The following NPAS3 variants were observed in gnomAD, a reference collection of about 807,000 sequenced individuals.
NPAS3 encodes the protein neuronal PAS domain-containing protein 3.
A neutral mutation model predicts 73.1 loss-of-function variants in NPAS3; 14 were observed. That is an observed-to-expected ratio of 0.19 (90% confidence interval 0.13 to 0.30). The LOEUF (loss-of-function observed/expected upper bound fraction) is 0.30. Ranked by LOEUF, NPAS3 falls within the 10% of genes least tolerant of loss-of-function variation. The pLI, the probability that NPAS3 is intolerant of heterozygous loss-of-function variation, is 1.00. For synonymous variants in NPAS3, 620 were observed against 541.5 expected (o/e 1.14, Z -2.01); for missense variants, 1,096 against 1,250.0 (o/e 0.88, Z 1.86).
chr14:33,235,905 C>T (rs2296803), intron 3 of NPAS3, among the ~76,000 whole-genome samples: 3,725 of 147,128 alleles, frequency 0.025, 143 homozygotes, highest in East Asian at 0.12. Context: ...CCTCCTACCT[C>T]AGCCTCCTGA....
intron 2 of NPAS3, among the ~76,000 whole-genome samples, chr14:33,190,114 G>A (rs999041609): frequency 6.6e-6 from 1 of 152,066 alleles, no homozygotes; most frequent in Non-Finnish European, 1.5e-5. Context: ...CAGTATTATT[G>A]TAATATTAAA....
intron 2 of NPAS3, among the ~76,000 whole-genome samples, chr14:33,206,885 T>C (rs1307741473): frequency 6.6e-6 from 1 of 152,152 alleles, no homozygotes; most frequent in Non-Finnish European, 1.5e-5. Context: ...TTCCCTCTGA[T>C]TTTTCCTTTC....
chr14:33,338,891 A>G (rs2044348214), intron 3 of NPAS3, among the ~76,000 whole-genome samples: 3 of 152,212 alleles, frequency 2.0e-5, no homozygotes, highest in Non-Finnish European at 2.9e-5. Flanking sequence ...AATTTGCATT[A>G]GGCTTTCTGA....
At chr14:33,293,815 G>C (rs1046637406) in intron 3 of NPAS3, among the ~76,000 whole-genome samples, 1 of 152,180 alleles carries the variant, frequency 6.6e-6, no homozygotes, top group Admixed American at 6.5e-5. Context: ...ATAGTGAAGA[G>C]TTTAGAATTA....
chr14:33,150,121 CT>C (rs1364077465), intron 2 of NPAS3, among the ~76,000 whole-genome samples: 4 of 152,230 alleles, frequency 2.6e-5, no homozygotes, highest in South Asian at 4.1e-4. Context: ...TGAACTCATC[CT>C]TTTTTATGGC....
chr14:33,268,682 G>A (rs1043363749), intron 3 of NPAS3, among the ~76,000 whole-genome samples: 3 of 152,108 alleles, frequency 2.0e-5, no homozygotes, highest in Non-Finnish European at 4.4e-5. Flanking sequence ...TATACTTGAC[G>A]TAGCCTCTAC....
At chr14:33,400,394 G>A in intron 4 of NPAS3, among the ~76,000 whole-genome samples, 1 of 152,120 alleles carries the variant, frequency 6.6e-6, no homozygotes, top group East Asian at 1.9e-4. Flanking sequence ...TTTAAGTCAA[G>A]TTCTGACTTG....
chr14:33,545,302 G>A (rs2054789824), intron 4 of NPAS3, among the ~76,000 whole-genome samples: 1 of 151,998 alleles, frequency 6.6e-6, no homozygotes, highest in African/African-American at 2.4e-5. Flanking sequence ...CTCCTTACGA[G>A]TAGATAAAAC....
At chr14:33,478,071 G>A (rs1167726147) in intron 4 of NPAS3, among the ~76,000 whole-genome samples, 1 of 152,092 alleles carries the variant, frequency 6.6e-6, no homozygotes, top group Admixed American at 6.6e-5. Context: ...CATGCCCTCT[G>A]GGTAGAGGCA....
At chr14:33,056,964 C>A (rs1372228018) in intron 2 of NPAS3, among the ~76,000 whole-genome samples, 6 of 152,294 alleles carry the variant, frequency 3.9e-5, no homozygotes, top group Admixed American at 3.9e-4. Flanking sequence ...TTGAACAATA[C>A]CATTTTTTTC....
At chr14:33,060,981 T>C (rs115755251) in intron 2 of NPAS3, among the ~76,000 whole-genome samples, 233 of 152,326 alleles carry the variant, frequency 1.5e-3, no homozygotes, top group African/African-American at 5.5e-3. Context: ...AAGCGTGGAT[T>C]TGGATTCACA....
At chr14:33,308,997 G>GA (rs1420307395) in intron 3 of NPAS3, among the ~76,000 whole-genome samples, 1 of 151,976 alleles carries the variant, frequency 6.6e-6, no homozygotes, top group South Asian at 2.1e-4. Flanking sequence ...ATACTAAAAG[G>GA]AAAAAACAAA....
chr14:33,359,135 G>A (rs2045476799), intron 3 of NPAS3, among the ~76,000 whole-genome samples: 1 of 152,122 alleles, frequency 6.6e-6, no homozygotes, highest in South Asian at 2.1e-4. Flanking sequence ...GAGAGAGAGA[G>A]GATGACTGAA....
chr14:32,962,886 T>TG (rs1207477013), intron 1 of NPAS3, among the ~76,000 whole-genome samples: 3 of 151,472 alleles, frequency 2.0e-5, no homozygotes, highest in East Asian at 3.9e-4. Context: ...CTTTCTTTTT[T>TG]TTTTTTTTTA....
At chr14:33,325,379 C>T (rs746908676) in intron 3 of NPAS3, among the ~76,000 whole-genome samples, 4 of 152,044 alleles carry the variant, frequency 2.6e-5, no homozygotes, top group East Asian at 1.9e-4. Context: ...CAGTGGCTCA[C>T]GCCTGTAATC....
chr14:33,188,856 A>G (rs1156556387), intron 2 of NPAS3, among the ~76,000 whole-genome samples: 1 of 152,192 alleles, frequency 6.6e-6, no homozygotes, highest in Admixed American at 6.5e-5. Flanking sequence ...ACTGAAAAAT[A>G]TAGATATTTG....
intron 4 of NPAS3, among the ~76,000 whole-genome samples, chr14:33,519,244 T>G (rs1230365365): frequency 6.6e-6 from 1 of 152,168 alleles, no homozygotes; most frequent in Non-Finnish European, 1.5e-5. Context: ...TTGATCCTTC[T>G]CATCAAACTT....
At chr14:33,778,739 G>T (rs2062895131) in intron 9 of NPAS3, among the ~76,000 whole-genome samples, 167 bp downstream of exon 9, 1 of 152,234 alleles carries the variant, frequency 6.6e-6, no homozygotes, top group South Asian at 2.1e-4. Context: ...ACGCGTGTTA[G>T]AATTAGATTG....
chr14:33,581,950 C>G (rs1375889101), intron 5 of NPAS3: 1 of 152,152 alleles, frequency 6.6e-6, no homozygotes, highest in Non-Finnish European at 1.5e-5. Flanking sequence ...ATAGGTGTGC[C>G]ATTTATTTAA....
Sources: gnomAD v4.1 joint callset for allele counts (sites outside exome capture counted in the v4.1 genomes callset) on GRCh38, gnomAD v4.1.1 for gene constraint, MANE v1.5 for transcripts, NCBI Gene and HGNC (gene_info 2026-07-23, HGNC 2026-07-21) for gene names.